Variants in CPA1 observed in about 807,000 individuals in gnomAD.
CPA1 encodes carboxypeptidase A1, also known as carboxypeptidase A1 (pancreatic).
In CPA1, 42 loss-of-function variants were observed where a neutral mutation model predicts 48.7. That is an observed-to-expected ratio of 0.86 (90% CI 0.67 to 1.11). The LOEUF (loss-of-function observed/expected upper bound fraction) is 1.11, where lower values mean the gene tolerates loss of function less well. Among genes scored for constraint, CPA1 ranks in the 50% most tolerant of loss-of-function variants. The probability of loss-of-function intolerance (pLI) is 0.00; values close to 1 mark genes in which losing one functional copy is unlikely to be tolerated. For missense variants in CPA1, 477 were observed against 544.7 expected, an observed-to-expected ratio of 0.88 and a Z score of 1.24; for synonymous variants, 203 against 217.9, an observed-to-expected ratio of 0.93 and a Z score of 0.60.
In CPA1 at chr7:130,381,827, C is replaced by T. The variant is rs2117500618; in HGVS notation, c.345C>T (p.Asp115=). The part of the protein sequence containing the change: ...FAFRSRARST[D]TFNYATYHTL... Reference sequence around the variant, plus strand: ...TCCGGTCCCGGGCGCGCTCCACCGACACTTTTAACTACGCCACCTACCACA... The same window carrying T: ...TCCGGTCCCGGGCGCGCTCCACCGATACTTTTAACTACGCCACCTACCACA... Residue 115 remains aspartate, a synonymous_variant, in exon 3 of 10, where the codon GAC becomes GAT. Coordinates refer to ENST00000011292, the MANE Select transcript of CPA1 (RefSeq NM_001868.4). 2 of 1,614,110 alleles carry T rather than the reference C, an allele frequency of 1.2e-6. No homozygotes were observed. The highest frequency in any genetic ancestry group is 8.5e-7 in the Non-Finnish European group (1 of 1,180,024).
At position 130,383,880 on chromosome 7, in the gene CPA1, C is replaced by T. The variant is rs782157168; in HGVS notation, c.696+86C>T. The T allele has an allele frequency of 1.7e-5, 17 of 1,019,564 alleles. No individual in the cohort carries two copies. The East Asian group carries it at 4.0e-4, about 24-fold the overall frequency. 63.2% of individuals were successfully genotyped at this position (1,019,564 alleles called of 1,614,324 possible). A position where few individuals can be genotyped will look rare whatever the true frequency, so the allele number is the denominator to read the frequency against. ...AAGTAGTTCACCCCTAATCTCAAGC[C>T]CCAGAAGTCAAGGGAGGGGCAATCA... is the stretch of plus-strand genomic sequence containing the variant. On this transcript the variant is annotated intron_variant, in intron 6 of 9. Coordinates refer to ENST00000011292, the MANE Select transcript of CPA1 (RefSeq NM_001868.4).
intron 1 of CPA1, 107 bp from the exon 2 acceptor site, chr7:130,380,991 C>A: frequency 6.8e-6 from 6 of 879,508 alleles, no homozygotes; most frequent in Admixed American, 2.0e-5. Flanking sequence ...GAGGACGAGG[C>A]CCAGTCTGGG....
rs561099232 is a variant in CPA1 at position 130,385,852 on chromosome 7, A to G, written c.1001A>G (p.Lys334Arg). ...TGTTTTGTCCAGGATCAGCTTTCCA[A>G]GGCTGCTGTGACAGCCCTGGCCTCT... The part of the protein sequence containing the change: ...PDQDELDQLS[K>R]AAVTALASLY... Residue 334 changes from lysine to arginine, a missense_variant, in exon 9 of 10, where the codon AAG (lysine) becomes AGG (arginine). By Grantham distance (26) the Lys-to-Arg change is conservative (BLOSUM62 2). Transcript: ENST00000011292. 2 of 1,613,906 alleles carry G rather than the reference A, an allele frequency of 1.2e-6. No individual in the cohort carries two copies. Among genetic ancestry groups the G allele is most frequent in the Non-Finnish European group, 1.7e-6 (2 of 1,179,894 alleles).
At position 130,381,647 on chromosome 7, in the gene CPA1, G is replaced by C. The variant is rs1126899; in HGVS notation, c.165G>C (p.Gly55=). ...LEHLQLDFWR[G]PAHPGSPIDV... is the part of the protein sequence containing the mutation. ...CTCCCCAGCTGGACTTCTGGCGGGGGCCTGCCCACCCTGGCTCCCCCATCG... is the reference window on the plus strand; with the variant it reads ...CTCCCCAGCTGGACTTCTGGCGGGGCCCTGCCCACCCTGGCTCCCCCATCG... The change falls in exon 3 of 10, where the codon GGG becomes GGC. Residue 55 remains glycine, a synonymous_variant. Coordinates refer to ENST00000011292, the MANE Select transcript of CPA1 (RefSeq NM_001868.4). 841,103 of 1,612,906 alleles carry C rather than the reference G, an allele frequency of 0.52. 221,342 individuals carry two copies. The highest frequency in any genetic ancestry group is 0.65 in the African/African-American group (48,665 of 74,912).
Position 130,385,132 on chromosome 7 carries a change from C to G in CPA1, c.788-14C>G. ...TGGAGGAGCCACACCGCCATGCCCT[C>G]TGTCCCCCCACAGTGTCCGGAGCCA... On this transcript the variant is annotated splice_polypyrimidine_tract_variant and intron_variant, in intron 7 of 9. Transcript: ENST00000011292. The G allele has an allele frequency of 6.2e-7, 1 of 1,613,922 alleles. No individual in the cohort carries two copies. The highest frequency in any genetic ancestry group is 8.5e-7 in the Non-Finnish European group (1 of 1,179,928).
intron 5 of CPA1, 41 bp downstream of exon 5, chr7:130,383,533 C>A (rs1796433655): frequency 6.4e-7 from 1 of 1,556,822 alleles, no homozygotes; most frequent in Admixed American, 1.7e-5. Context: ...CCTGGTGGGG[C>A]ATTGGTGTCC....
At chr7:130,386,756 T>C (rs558744508) in intron 9 of CPA1, among the ~76,000 whole-genome samples, 2 of 152,294 alleles carry the variant, frequency 1.3e-5, no homozygotes, top group African/African-American at 4.8e-5. Flanking sequence ...ATCAGGGAAC[T>C]TTCTAGCCAG....
At chr7:130,384,439 C>G in intron 6 of CPA1, 97 bp from the exon 7 acceptor site, 2 of 1,039,558 alleles carry the variant, frequency 1.9e-6, no homozygotes, top group Non-Finnish European at 3.0e-6. Context: ...TCCCCTCAGT[C>G]CACTCTGCTC....
chr7:130,385,528 G>A (rs1562968293), intron 8 of CPA1, among the ~76,000 whole-genome samples, 183 bp downstream of exon 8: 1 of 152,222 alleles, frequency 6.6e-6, no homozygotes, highest in South Asian at 2.1e-4. Context: ...TGAGGCACAG[G>A]AGTGATGGAG....
At chr7:130,381,886 C>T in intron 3 of CPA1, 23 bp downstream of exon 3, 1 of 1,598,556 alleles carries the variant, frequency 6.3e-7, no homozygotes, top group African/African-American at 1.3e-5. Flanking sequence ...CTAGCGGCCG[C>T]TCCCTGCAGC....
chr7:130,386,592 ATTTATTCC>A (rs1204425331), intron 9 of CPA1, among the ~76,000 whole-genome samples: 2 of 152,128 alleles, frequency 1.3e-5, no homozygotes, highest in Non-Finnish European at 2.9e-5. Context: ...AATAGGCCTG[ATTTATTCC>A]TCACTTACTT....
chr7:130,383,286 CAGAG>C (rs1420550260), intron 4 of CPA1, 101 bp from the exon 5 acceptor site: 1 of 829,048 alleles, frequency 1.2e-6, no homozygotes, highest in African/African-American at 1.7e-5. Flanking sequence ...CTGAGATACA[CAGAG>C]AGCAGGTGGT....
At chr7:130,382,284 C>A in intron 4 of CPA1, 75 bp downstream of exon 4, 2 of 1,156,504 alleles carry the variant, frequency 1.7e-6, no homozygotes, top group Non-Finnish European at 2.6e-6. Flanking sequence ...TGGGCTCTCC[C>A]GGGGAAATCA....
chr7:130,385,753 C>T (rs1796466283), intron 8 of CPA1, 86 bp from the exon 9 acceptor site: 1 of 1,084,036 alleles, frequency 9.2e-7, no homozygotes, highest in African/African-American at 1.6e-5. Context: ...TTCTCCTAGG[C>T]TCCCCTGCCA....
chr7:130,381,024 C>T (rs1796395967), intron 1 of CPA1, 74 bp from the exon 2 acceptor site: 2 of 1,239,900 alleles, frequency 1.6e-6, no homozygotes, highest in African/African-American at 3.0e-5. Flanking sequence ...CTGCCTCCCT[C>T]CTGCACCTGG....
At position 130,384,583 on chromosome 7, in the gene CPA1, T is replaced by C; in HGVS notation, c.744T>C (p.Cys248=). The C allele has an allele frequency of 3.1e-6, 5 of 1,614,214 alleles. No individual in the cohort carries two copies. The highest frequency in any genetic ancestry group is 4.2e-6 in the Non-Finnish European group (5 of 1,180,022). Residue 248 remains cysteine (C), a synonymous_variant, in exon 7 of 10, where the codon TGT becomes TGC. Transcript: ENST00000011292. ...GGTCCCACACAGCAGGCTCCCTCTGTATTGGCGTGGACCCCAACAGGAACT... is the reference window on the plus strand; with the variant it reads ...GGTCCCACACAGCAGGCTCCCTCTGCATTGGCGTGGACCCCAACAGGAACT... ...KTRSHTAGSL[C]IGVDPNRNWD...
In CPA1 at chr7:130,385,262, T is replaced by A; in HGVS notation, c.904T>A (p.Phe302Ile). Residue 302 changes from phenylalanine to isoleucine, a missense_variant, in exon 8 of 10, where the codon TTC (phenylalanine) becomes ATC (isoleucine). Phe to Ile is a conservative substitution (Grantham distance 21). Transcript: ENST00000011292. Reference sequence around the variant, plus strand: ...GAAGGACCATGGGAACATCAAGGCCTTCATCTCCATCCACAGCTACTCCCA... The same window carrying A: ...GAAGGACCATGGGAACATCAAGGCCATCATCTCCATCCACAGCTACTCCCA... ...FVKDHGNIKA[F>I]ISIHSYSQLL... is the part of the protein sequence containing the mutation. 1 of 1,614,198 alleles carries A rather than the reference T, an allele frequency of 6.2e-7. No homozygotes were observed. The highest frequency in any genetic ancestry group is 8.5e-7 in the Non-Finnish European group (1 of 1,180,040).
Position 130,387,267 on chromosome 7 carries a change from G to A in CPA1, c.1073-557G>A, listed in dbSNP as rs1796487412. The stretch of plus-strand genomic sequence containing the variant: ...GGAAACTGATTCAACTCTGAGTCAA[G>A]GTTTTGCTTCATTCAACATGGTCAA... On this transcript the variant is annotated intron_variant, in intron 9 of 9. Transcript: ENST00000011292. The surrounding 1 kb of genome is among the most constrained non-coding windows in gnomAD (Gnocchi z 4.6). 6.6e-6 allele frequency among the ~76,000 whole-genome samples: 1 copy of A among 152,236 alleles called. No individual in the cohort carries two copies. Among genetic ancestry groups the A allele is most frequent in the Admixed American group, 6.5e-5 (1 of 15,286 alleles).
intron 7 of CPA1, 166 bp downstream of exon 7, chr7:130,384,792 G>C: frequency 1.6e-6 from 1 of 642,202 alleles, no homozygotes; most frequent in Non-Finnish European, 2.7e-6. Context: ...TCTGAGAGTT[G>C]GTTGTTACTC....
Sources: gnomAD v4.1 joint callset for allele counts (sites outside exome capture counted in the v4.1 genomes callset) on GRCh38, gnomAD v4.1.1 for gene constraint, Gnocchi (gnomAD v3.1) non-coding constraint, MANE v1.5 for transcripts, NCBI Gene and HGNC (gene_info 2026-07-23, HGNC 2026-07-21) for gene names.